Variants in ADAMTSL1 observed in about 807,000 individuals in gnomAD.
ADAMTSL1 encodes ADAMTS like 1.
ADAMTSL1 carries 126 observed loss-of-function variants against 201.8 expected under a neutral mutation model. That is an observed-to-expected ratio of 0.62 (90% confidence interval 0.54 to 0.72). The LOEUF (loss-of-function observed/expected upper bound fraction) is 0.72. Among genes scored for constraint, ADAMTSL1 ranks in the 30% least tolerant of loss-of-function variants. The probability of loss-of-function intolerance (pLI) is 0.00; values close to 1 mark genes in which losing one functional copy is unlikely to be tolerated. For synonymous variants in ADAMTSL1, 1,121 were observed against 903.4 expected (o/e 1.24, Z -4.32); for missense variants, 2,679 against 2,277.8 (o/e 1.18, Z -3.59).
chr9:18,672,563 G>T (rs1200181744), intron 9 of ADAMTSL1, among the ~76,000 whole-genome samples: 1 of 152,090 alleles, frequency 6.6e-6, no homozygotes, highest in African/African-American at 2.4e-5. Flanking sequence ...ACACACATAT[G>T]TAAGTTATGA....
intron 2 of ADAMTSL1, among the ~76,000 whole-genome samples, chr9:18,372,996 A>G (rs1200411263): frequency 6.6e-6 from 1 of 152,216 alleles, no homozygotes; most frequent in African/African-American, 2.4e-5. Flanking sequence ...AGTGAGAGTG[A>G]GGCTGGTATC....
At chr9:18,553,743 T>G (rs920972856) in intron 3 of ADAMTSL1, among the ~76,000 whole-genome samples, 1 of 151,976 alleles carries the variant, frequency 6.6e-6, no homozygotes, top group South Asian at 2.1e-4. Flanking sequence ...TCAAAGAGAA[T>G]TATCCATTGA....
chr9:18,241,299 A>G (rs1831050359), intron 2 of ADAMTSL1, among the ~76,000 whole-genome samples: 1 of 152,120 alleles, frequency 6.6e-6, no homozygotes, highest in Admixed American at 6.5e-5. Flanking sequence ...GCCTAATTTC[A>G]ACGTTCAATT....
At chr9:18,258,189 A>G (rs1442295269) in intron 2 of ADAMTSL1, among the ~76,000 whole-genome samples, 1 of 152,290 alleles carries the variant, frequency 6.6e-6, no homozygotes, top group Admixed American at 6.5e-5. Flanking sequence ...ACACTTAAAA[A>G]TAGGCAAAAT....
At chr9:18,498,324 GT>G (rs1301785178) in intron 1 of ADAMTSL1, among the ~76,000 whole-genome samples, 2 of 149,118 alleles carry the variant, frequency 1.3e-5, no homozygotes, top group African/African-American at 2.5e-5. Context: ...AAGTATCAAT[GT>G]TCCCCCCACC....
intron 14 of ADAMTSL1, among the ~76,000 whole-genome samples, chr9:18,717,437 A>T: frequency 6.6e-6 from 1 of 152,210 alleles, no homozygotes; most frequent in East Asian, 1.9e-4. Flanking sequence ...TTTAAAAACT[A>T]TATAGCTGTA....
Position 18,599,101 on chromosome 9 carries a change from T to C in ADAMTSL1, c.475-23142T>C, listed in dbSNP as rs74666912. Among the ~76,000 whole-genome samples, 25 of 152,298 alleles carry C rather than the reference T, an allele frequency of 1.6e-4. No homozygotes were observed. In the East Asian group the frequency reaches 4.2e-3, roughly 26 times the overall value. On this transcript the variant is annotated intron_variant, in intron 4 of 28. Transcript: ENST00000380548. ...GTATTAGGGTTGATTGACAGAAAGA[T>C]TTATTAATTTGTTGATGCACCCATC... is the stretch of plus-strand genomic sequence containing the variant.
At chr9:18,689,906 T>C (rs1831111331) in intron 13 of ADAMTSL1, among the ~76,000 whole-genome samples, 1 of 152,228 alleles carries the variant, frequency 6.6e-6, no homozygotes, top group Non-Finnish European at 1.5e-5. Flanking sequence ...TCAACGGCTT[T>C]GCATGGTTAG....
intron 23 of ADAMTSL1, among the ~76,000 whole-genome samples, chr9:18,839,930 T>C (rs1334489897): frequency 6.7e-6 from 1 of 149,294 alleles, no homozygotes; most frequent in Non-Finnish European, 1.5e-5. Flanking sequence ...AGATTCTGGA[T>C]ATTAGCCCTT....
intron 2 of ADAMTSL1, among the ~76,000 whole-genome samples, chr9:18,250,796 C>G (rs1319772621): frequency 6.6e-6 from 1 of 152,156 alleles, no homozygotes; most frequent in African/African-American, 2.4e-5. Context: ...CTCCTCATTC[C>G]TGAATGAATT....
chr9:18,892,690 C>T (rs1406054762), intron 26 of ADAMTSL1, 94 bp downstream of exon 26: 1 of 1,376,578 alleles, frequency 7.3e-7, no homozygotes, highest in Non-Finnish European at 9.8e-7. Context: ...GCCACTGCCA[C>T]CTCCTCCTTT....
At chr9:18,087,218 C>T (rs1350759014) in intron 1 of ADAMTSL1, among the ~76,000 whole-genome samples, 6 of 152,176 alleles carry the variant, frequency 3.9e-5, no homozygotes, top group African/African-American at 7.2e-5. Context: ...TTTAAAAATG[C>T]TTTCAGCCAG....
chr9:18,716,520 A>C, intron 14 of ADAMTSL1, among the ~76,000 whole-genome samples: 1 of 151,454 alleles, frequency 6.6e-6, no homozygotes, highest in Non-Finnish European at 1.5e-5. Flanking sequence ...GAGAAATGCA[A>C]ATCAAAACCA....
chr9:18,172,767 T>C (rs1827959316), intron 2 of ADAMTSL1, among the ~76,000 whole-genome samples: 1 of 151,902 alleles, frequency 6.6e-6, no homozygotes, highest in African/African-American at 2.4e-5. Context: ...CAATAAACAC[T>C]ATATAAATAA....
intron 1 of ADAMTSL1, among the ~76,000 whole-genome samples, chr9:17,935,302 C>T (rs893745005): frequency 6.6e-6 from 1 of 152,104 alleles, no homozygotes; most frequent in Non-Finnish European, 1.5e-5. Context: ...TCCCATGTTC[C>T]CCCGGCACCA....
intron 7 of ADAMTSL1, among the ~76,000 whole-genome samples, chr9:18,655,428 C>T (rs1828565263): frequency 6.6e-6 from 1 of 152,042 alleles, no homozygotes; most frequent in Non-Finnish European, 1.5e-5. Context: ...TTTTTATTAA[C>T]ATAAGGAGGT....
At chr9:18,723,762 C>G (rs1443967341) in intron 15 of ADAMTSL1, 1 of 152,290 alleles carries the variant, frequency 6.6e-6, no homozygotes, top group African/African-American at 2.4e-5. Context: ...ATGGCCTAAT[C>G]TCATCCAAGA....
At chr9:18,062,020 G>T (rs1027162834) in intron 1 of ADAMTSL1, among the ~76,000 whole-genome samples, 7 of 152,124 alleles carry the variant, frequency 4.6e-5, no homozygotes, top group Admixed American at 6.6e-5. Flanking sequence ...GTGAATTGAG[G>T]GCCAGCTACA....
intron 2 of ADAMTSL1, among the ~76,000 whole-genome samples, chr9:18,528,784 A>G (rs1819256586): frequency 6.6e-6 from 1 of 152,148 alleles, no homozygotes; most frequent in South Asian, 2.1e-4. Context: ...CCCGAAACAC[A>G]GTGCTGTAAC....
Sources: allele counts gnomAD v4.1 joint callset (sites outside exome capture counted in the v4.1 genomes callset), GRCh38; gene constraint gnomAD v4.1.1; transcripts MANE v1.5; gene names NCBI Gene and HGNC (gene_info 2026-07-23, HGNC 2026-07-21).